Variants in SLC1A2 observed in about 807,000 individuals in gnomAD.
SLC1A2 encodes solute carrier family 1 member 2, also known as excitatory amino acid transporter 2.
Under a neutral mutation model 48.8 loss-of-function variants are expected in SLC1A2, and 15 were observed. The ratio of observed to expected loss-of-function variants is 0.31; its 90% CI spans 0.21 to 0.47. The LOEUF is 0.47. SLC1A2 is among the 20% of genes least tolerant of loss of function. The pLI is 0.99. For synonymous variants in SLC1A2, 279 were observed against 272.6 expected, an observed-to-expected ratio of 1.02 and a Z score of -0.23; for missense variants, 502 against 730.5, an observed-to-expected ratio of 0.69 and a Z score of 3.61.
intron 1 of SLC1A2, among the ~76,000 whole-genome samples, chr11:35,386,581 C>G (rs1477253081): frequency 6.6e-6 from 1 of 152,070 alleles, no homozygotes; most frequent in South Asian, 2.1e-4. Context: ...TCAAAAAACC[C>G]ATCAGTTTAA....
At chr11:35,348,744 T>G (rs1248424720) in intron 1 of SLC1A2, among the ~76,000 whole-genome samples, 1 of 151,356 alleles carries the variant, frequency 6.6e-6, no homozygotes, top group Non-Finnish European at 1.5e-5. Flanking sequence ...ATGCAAAAAC[T>G]AGCCAGGCGT....
At chr11:35,273,640 C>A (rs767722636) in intron 9 of SLC1A2, among the ~76,000 whole-genome samples, 6 of 152,166 alleles carry the variant, frequency 3.9e-5, no homozygotes, top group Non-Finnish European at 7.4e-5. Context: ...CTCCCTACAC[C>A]TTATCCATTT....
intron 1 of SLC1A2, chr11:35,399,464 C>A (rs1338140418): frequency 5.5e-6 from 1 of 180,554 alleles, no homozygotes. Flanking sequence ...GAAGAACCAT[C>A]ATAGAATGTA....
At chr11:35,349,636 T>G (rs116040842) in intron 1 of SLC1A2, among the ~76,000 whole-genome samples, 1 of 152,136 alleles carries the variant, frequency 6.6e-6, no homozygotes, top group African/African-American at 2.4e-5. Context: ...CTCTCCCATA[T>G]CAAAGATAAG....
chr11:35,321,165 C>A (rs939258559), intron 1 of SLC1A2, among the ~76,000 whole-genome samples: 1 of 152,196 alleles, frequency 6.6e-6, no homozygotes. Context: ...TGATAACTCA[C>A]TCACTATCAC....
chr11:35,419,211 G>T lies in SLC1A2; in HGVS notation c.-245C>A, dbSNP rs920668875. The T allele has an allele frequency of 6.8e-6, 3 of 441,414 alleles. No individual in the cohort carries two copies. Among genetic ancestry groups the T allele is most frequent in the African/African-American group, 2.1e-5 (1 of 48,434 alleles). The allele number at this position is 441,414 out of a possible 1,614,324, so 27.3% of individuals were successfully genotyped here. On this transcript the variant is annotated 5_prime_UTR_variant, in exon 1 of 11. Transcript: ENST00000278379. The surrounding 1 kb of genome is among the most constrained non-coding windows in gnomAD (Gnocchi z 5.4). ...ACCCGCGCTCCCCTCCGCCCGCGGG[G>T]ATGGCGCTTGGCGGGGAGCTCCGGG...
chr11:35,302,744 AG>A (rs1458409356), intron 5 of SLC1A2, among the ~76,000 whole-genome samples: 2 of 151,744 alleles, frequency 1.3e-5, no homozygotes, highest in African/African-American at 2.4e-5. Flanking sequence ...CCTCACGCTC[AG>A]GCCTGCAGTC....
chr11:35,390,209 A>G (rs1161709715), intron 1 of SLC1A2, among the ~76,000 whole-genome samples: 2 of 152,312 alleles, frequency 1.3e-5, no homozygotes, highest in Middle Eastern at 3.4e-3. Flanking sequence ...ATGAGTTTCA[A>G]ACATGTCTGT....
At chr11:35,338,527 A>C (rs754692220) in intron 1 of SLC1A2, among the ~76,000 whole-genome samples, 1 of 152,160 alleles carries the variant, frequency 6.6e-6, no homozygotes, top group Non-Finnish European at 1.5e-5. Flanking sequence ...TATAGTCCTA[A>C]GACTTTGGCT....
At chr11:35,367,175 T>G (rs1409755330) in intron 1 of SLC1A2, among the ~76,000 whole-genome samples, 2 of 152,234 alleles carry the variant, frequency 1.3e-5, no homozygotes, top group Non-Finnish European at 2.9e-5. Flanking sequence ...TAATGCATGG[T>G]GCTTTGTGCA....
intron 4 of SLC1A2, chr11:35,306,901 T>C (rs978983653): frequency 1.3e-5 from 2 of 152,254 alleles, no homozygotes; most frequent in Non-Finnish European, 2.9e-5. Flanking sequence ...AATTTGCAAA[T>C]GTACTATAAG....
chr11:35,408,221 C>T (rs1318665742), intron 1 of SLC1A2, among the ~76,000 whole-genome samples: 1 of 152,160 alleles, frequency 6.6e-6, no homozygotes, highest in African/African-American at 2.4e-5. Context: ...ATTTCTATAC[C>T]TTAATTCAGG....
At chr11:35,336,018 G>T (rs1415009016) in intron 1 of SLC1A2, among the ~76,000 whole-genome samples, 3 of 152,152 alleles carry the variant, frequency 2.0e-5, no homozygotes, top group Non-Finnish European at 4.4e-5. Context: ...CCTTCAGAGG[G>T]ACATGAATTG....
rs1229416258 is a variant in SLC1A2 at position 35,258,696 on chromosome 11, C to CT, written c.*2197dup. The CT allele has an allele frequency of 6.6e-6, 1 of 152,470 alleles. No individual in the cohort carries two copies. Among genetic ancestry groups the CT allele is most frequent in the African/African-American group, 2.4e-5 (1 of 41,444 alleles). 9.4% of individuals were successfully genotyped at this position (152,470 alleles called of 1,614,324 possible). ...GTGGCTCACGCCTGTAATCCCAGCA[C>CT]TTTGGGAGGCCATGGCGGGTGGATC... is the stretch of plus-strand genomic sequence containing the variant. On this transcript the variant is annotated 3_prime_UTR_variant, in exon 11 of 11. Coordinates refer to ENST00000278379, the MANE Select transcript of SLC1A2 (RefSeq NM_004171.4).
intron 9 of SLC1A2, 64 bp downstream of exon 9, chr11:35,280,803 C>T: frequency 1.7e-6 from 2 of 1,184,924 alleles, no homozygotes; most frequent in Non-Finnish European, 2.4e-6. Context: ...GCAACCTTGC[C>T]ACCTGTGCAT....
intron 1 of SLC1A2, chr11:35,371,128 C>G: frequency 7.2e-6 from 7 of 968,120 alleles, no homozygotes; most frequent in Non-Finnish European, 8.6e-6. Context: ...TCAGTGAGAA[C>G]CCTTTGCCTC....
Position 35,363,658 on chromosome 11 carries a change from G to A in SLC1A2, c.18-46142C>T, listed in dbSNP as rs142617661. Among the ~76,000 whole-genome samples, 1,051 of 152,174 alleles carry A rather than the reference G, an allele frequency of 6.9e-3. 17 individuals are homozygous for A. The highest frequency in any genetic ancestry group is 0.024 in the African/African-American group (992 of 41,504). On this transcript the variant is annotated intron_variant, in intron 1 of 10. Transcript: ENST00000278379. ...GAGTTCTTCCAGCAACTCTCTGCAC[G>A]GAATTATTATTATGTCCATCTTCTT...
intron 1 of SLC1A2, among the ~76,000 whole-genome samples, chr11:35,339,602 C>T (rs1315284511): frequency 6.6e-6 from 1 of 152,144 alleles, no homozygotes; most frequent in Non-Finnish European, 1.5e-5. Context: ...CAACACACCA[C>T]ATCAAATGAG....
chr11:35,414,177 T>C (rs1855544461), intron 1 of SLC1A2, among the ~76,000 whole-genome samples: 1 of 152,162 alleles, frequency 6.6e-6, no homozygotes, highest in African/African-American at 2.4e-5. Flanking sequence ...TTTATCTAAG[T>C]GAGACATTAA....
Sources: allele counts gnomAD v4.1 joint callset (sites outside exome capture counted in the v4.1 genomes callset), GRCh38; gene constraint gnomAD v4.1.1; non-coding constraint Gnocchi (gnomAD v3.1); transcripts MANE v1.5; gene names NCBI Gene and HGNC (gene_info 2026-07-23, HGNC 2026-07-21).